The following ITGB1BP2 variants were observed in gnomAD, a reference collection of about 807,000 sequenced individuals.
ITGB1BP2 encodes the protein integrin beta-1-binding protein 2.
ITGB1BP2 carries 27 observed loss-of-function variants against 32.2 expected under a neutral mutation model. That is an observed-to-expected ratio of 0.84 (90% confidence interval 0.62 to 1.16). The LOEUF is 1.16. Ranked by LOEUF, ITGB1BP2 falls within the 50% of genes most tolerant of loss-of-function variation. ITGB1BP2 has a pLI of 0.00. For missense variants in ITGB1BP2, 250 were observed against 267.3 expected (o/e 0.94, Z 0.45); for synonymous variants, 105 against 94.7 (o/e 1.11, Z -0.63).
intron 1 of ITGB1BP2, 106 bp from the exon 2 acceptor site, chrX:71,302,031 A>G: frequency 2.2e-6 from 2 of 928,951 alleles, no homozygotes; most frequent in Non-Finnish European, 2.9e-6. Flanking sequence ...TTTTTTCTTC[A>G]CATTATATGG....
chrX:71,305,032 C>T lies in ITGB1BP2; in HGVS notation c.884C>T (p.Ala295Val), dbSNP rs1410385485. 8.3e-7 allele frequency: 1 copy of T among 1,211,462 alleles called. No homozygotes were observed. The highest frequency in any genetic ancestry group is 3.0e-5 in the East Asian group (1 of 33,845). Reference protein sequence around the residue: ...PSRVEISLVKADPGSWAQLEH... With the variant: ...PSRVEISLVKVDPGSWAQLEH... ...CGGGTTGAAATCTCCCTGGTCAAGG[C>T]TGACCCAGGATCCTGGGCCCAGCTG... The change falls in exon 11 of 11, where the codon GCT becomes GTT. Residue 295 changes from alanine (A) to valine (V), a missense_variant. Transcript: ENST00000373829.
At chrX:71,302,240 C>G in intron 2 of ITGB1BP2, 37 bp from the exon 3 acceptor site, 10 of 1,210,071 alleles carry the variant, frequency 8.3e-6, no homozygotes, top group Non-Finnish European at 1.1e-5. Flanking sequence ...GAGATAATAC[C>G]CAGGAAGCTA....
At chrX:71,304,098 C>A in intron 8 of ITGB1BP2, 89 bp from the exon 9 acceptor site, 1 of 779,647 alleles carries the variant, frequency 1.3e-6, no homozygotes, top group Non-Finnish European at 1.9e-6. Flanking sequence ...CTTTTTGAGA[C>A]TCTCTGTCTC....
Position 71,302,000 on chromosome X carries a change from A to G in ITGB1BP2, c.64+130A>G, listed in dbSNP as rs2031619009. On this transcript the variant is annotated intron_variant, in intron 1 of 10. Transcript: ENST00000373829. ...TAGTTTAATTGGTCTGAGTGATCTT[A>G]CAGCCTTTGCTGGCTTTTTTTTTTT... is the stretch of plus-strand genomic sequence containing the variant. 7 of 893,194 alleles carry G rather than the reference A, an allele frequency of 7.8e-6. No homozygotes were observed. In the South Asian group the frequency reaches 1.6e-4, roughly 21 times the overall value. 73.6% of individuals were successfully genotyped at this position (893,194 alleles called of 1,213,427 possible).
At position 71,302,347 on chromosome X, in the gene ITGB1BP2, G is replaced by A. The variant is rs749106846; in HGVS notation, c.171+14G>A. The A allele has an allele frequency of 9.1e-6, 11 of 1,210,962 alleles. No homozygotes were observed. The highest frequency in any genetic ancestry group is 1.0e-5 in the Non-Finnish European group (9 of 894,991). ...TTAAACATCAAGGTAAATTATTTAT[G>A]TACTTGGATTCTGCCCCCAATAGAA... On this transcript the variant is annotated intron_variant, in intron 3 of 10. Coordinates refer to ENST00000373829, the MANE Select transcript of ITGB1BP2 (RefSeq NM_012278.4).
intron 4 of ITGB1BP2, 71 bp downstream of exon 4, chrX:71,302,627 G>A: frequency 9.4e-7 from 1 of 1,059,504 alleles, no homozygotes; most frequent in African/African-American, 1.9e-5. Flanking sequence ...ATGGGTCATT[G>A]AGGACTGGGA....
At chrX:71,301,997 C>G (rs1204371796) in intron 1 of ITGB1BP2, 127 bp downstream of exon 1, 1 of 877,847 alleles carries the variant, frequency 1.1e-6, no homozygotes, top group African/African-American at 2.1e-5. Context: ...TCTGAGTGAT[C>G]TTACAGCCTT....
At chrX:71,304,733 A>T (rs1459425440) in intron 10 of ITGB1BP2, 129 bp downstream of exon 10, 3 of 547,017 alleles carry the variant, frequency 5.5e-6, no homozygotes, top group Non-Finnish European at 8.8e-6. Context: ...ATTTGCTTTC[A>T]TTTTCTCTCT....
In ITGB1BP2 at chrX:71,302,569, A is replaced by C. The variant is rs374391467; in HGVS notation, c.317+13A>C. 12 of 1,194,693 alleles carry C rather than the reference A, an allele frequency of 1.0e-5. No individual in the cohort carries two copies. Among genetic ancestry groups the C allele is most frequent in the Admixed American group, 2.3e-5 (1 of 43,100 alleles). On this transcript the variant is annotated intron_variant, in intron 4 of 10. Transcript: ENST00000373829. ...GGGAGAGGCCCAAGTAAAGAGGAGG[A>C]GGCCCCTGGACTTTTCTTATTTTCA...
In ITGB1BP2 at chrX:71,304,227, C is replaced by G; in HGVS notation, c.680C>G (p.Ser227Cys). ...CGCCATGATTGGCACCAGACAGATT[C>G]CTTAGTAGTGGTGACTGTATATGGC... ...SCRHDWHQTD[S>C]LVVVTVYGQI... is the part of the protein sequence containing the mutation. Residue 227 changes from serine to cysteine, a missense_variant, in exon 9 of 11, where the codon TCC becomes TGC. Physicochemically the swap from Ser to Cys is moderately radical, Grantham distance 112. Coordinates refer to ENST00000373829, the MANE Select transcript of ITGB1BP2 (RefSeq NM_012278.4). 1 of 1,210,823 alleles carries G rather than the reference C, an allele frequency of 8.3e-7. No homozygotes were observed. The highest frequency in any genetic ancestry group is 1.8e-5 in the South Asian group (1 of 56,978).
chrX:71,304,784 C>T, intron 10 of ITGB1BP2, 180 bp downstream of exon 10: 2 of 480,588 alleles, frequency 4.2e-6, no homozygotes, highest in Non-Finnish European at 7.0e-6. Context: ...CTCCCCTCTT[C>T]CTTCTCCCTT....
chrX:71,302,177 T>G lies in ITGB1BP2; in HGVS notation c.105T>G (p.Asp35Glu). The change falls in exon 2 of 11, where the codon GAT (aspartate) becomes GAG (glutamate). Residue 35 changes from aspartate to glutamate, a missense_variant. Asp to Glu is a conservative substitution (Grantham distance 45). Transcript: ENST00000373829. ...CHHPGVPIFH[D>E]ALKGWSCCRK... is the part of the protein sequence containing the mutation. ...ACCCTGGGGTCCCAATCTTCCATGA[T>G]GCACTTAAGGTGAGGAGTAGGTGAG... is the stretch of plus-strand genomic sequence containing the variant. The G allele has an allele frequency of 8.3e-7, 1 of 1,211,209 alleles. No individual in the cohort carries two copies. Among genetic ancestry groups the G allele is most frequent in the Non-Finnish European group, 1.1e-6 (1 of 895,304 alleles).
At position 71,302,551 on chromosome X, in the gene ITGB1BP2, G is replaced by C; in HGVS notation, c.312G>C (p.Arg104Ser). 1 of 1,204,733 alleles carries C rather than the reference G, an allele frequency of 8.3e-7. No homozygotes were observed. The highest frequency in any genetic ancestry group is 1.1e-6 in the Non-Finnish European group (1 of 892,661). ...PKSAETLRRE[R>S]PKSELPLKLL... ...CAGCAGAGACCTTGCGCCGGGAGAG[G>C]CCCAAGTAAAGAGGAGGAGGCCCCT... Residue 104 changes from arginine (R) to serine (S), a missense_variant, in exon 4 of 11, where the codon AGG becomes AGC. Transcript: ENST00000373829.
chrX:71,304,573 G>C lies in ITGB1BP2; in HGVS notation c.785G>C (p.Arg262Pro). 8.3e-7 allele frequency: 1 copy of C among 1,207,877 alleles called. No homozygotes were observed. Among genetic ancestry groups the C allele is most frequent in the Non-Finnish European group, 1.1e-6 (1 of 893,408 alleles). ...LHVHIVFDGN[R>P]VFQAQMKLWG... ...GTCCACATTGTCTTTGATGGTAACC[G>C]TGTGTTCCAAGCACAGATGAAGCTC... Residue 262 changes from arginine to proline, a missense_variant, in exon 10 of 11, where the codon CGT becomes CCT. By Grantham distance (103) the Arg-to-Pro change is moderately radical (BLOSUM62 -2). Coordinates refer to ENST00000373829, the MANE Select transcript of ITGB1BP2 (RefSeq NM_012278.4).
chrX:71,304,978 A>G lies in ITGB1BP2; in HGVS notation c.830A>G (p.Glu277Gly). 1 of 1,209,136 alleles carries G rather than the reference A, an allele frequency of 8.3e-7. No homozygotes were observed. The highest frequency in any genetic ancestry group is 1.1e-6 in the Non-Finnish European group (1 of 893,494). ...GCTCCTCCTCAGGTCATAAACGTGG[A>G]GCAGAGCTCTGTCTTCTTGATGCCA... Reference protein sequence around the residue: ...QMKLWGVINVEQSSVFLMPSR... With the variant: ...QMKLWGVINVGQSSVFLMPSR... The change falls in exon 11 of 11, where the codon GAG (glutamate) becomes GGG (glycine). Residue 277 changes from glutamate to glycine, a missense_variant. Coordinates refer to ENST00000373829, the MANE Select transcript of ITGB1BP2 (RefSeq NM_012278.4).
chrX:71,303,294 A>G lies in ITGB1BP2; in HGVS notation c.350A>G (p.Asn117Ser). 1 of 1,211,864 alleles carries G rather than the reference A, an allele frequency of 8.3e-7. No individual in the cohort carries two copies. The highest frequency in any genetic ancestry group is 1.1e-6 in the Non-Finnish European group (1 of 895,520). Reference protein sequence around the residue: ...SELPLKLLPLNISQALEMALE... With the variant: ...SELPLKLLPLSISQALEMALE... ...TTGCCTCTGAAGCTGCTGCCGCTAA[A>G]TATATCCCAAGCCCTGGAAATGGCA... The change falls in exon 5 of 11, where the codon AAT (asparagine) becomes AGT (serine). Residue 117 changes from asparagine to serine, a missense_variant. Physicochemically the swap from Asn to Ser is conservative, Grantham distance 46. Coordinates refer to ENST00000373829, the MANE Select transcript of ITGB1BP2 (RefSeq NM_012278.4).
At chrX:71,302,026 T>TC in intron 1 of ITGB1BP2, 111 bp from the exon 2 acceptor site, 1 of 923,475 alleles carries the variant, frequency 1.1e-6, no homozygotes, top group Non-Finnish European at 1.5e-6. Context: ...TTTTTTTTTT[T>TC]CTTCACATTA....
At position 71,303,289 on chromosome X, in the gene ITGB1BP2, G is replaced by A. The variant is rs779890494; in HGVS notation, c.345G>A (p.Pro115=). 9.9e-6 allele frequency: 12 copies of A among 1,209,665 alleles called. No homozygotes were observed. The highest frequency in any genetic ancestry group is 3.5e-5 in the South Asian group (2 of 56,759). ...PKSELPLKLL[P]LNISQALEMA... ...CAGAGTTGCCTCTGAAGCTGCTGCC[G>A]CTAAATATATCCCAAGCCCTGGAAA... The change falls in exon 5 of 11, where the codon CCG becomes CCA. Residue 115 remains proline, a synonymous_variant. Coordinates refer to ENST00000373829, the MANE Select transcript of ITGB1BP2 (RefSeq NM_012278.4).
In ITGB1BP2 at chrX:71,304,308, A is replaced by G. The variant is rs2031662659; in HGVS notation, c.753+8A>G. The G allele has an allele frequency of 1.8e-6, 2 of 1,132,815 alleles. No individual in the cohort carries two copies. Among genetic ancestry groups the G allele is most frequent in the Admixed American group, 4.4e-5 (2 of 45,823 alleles). The allele number at this position is 1,132,815 out of a possible 1,213,427, so 93.4% of individuals were successfully genotyped here. A position where few individuals can be genotyped will look rare whatever the true frequency, so the allele number is the denominator to read the frequency against. The stretch of plus-strand genomic sequence containing the variant: ...AAGGCCAGTCAAACTGAGGTGAGCA[A>G]TGATCTGATGTTGGATGGGAGGATA... On this transcript the variant is annotated splice_region_variant and intron_variant, in intron 9 of 10. Coordinates refer to ENST00000373829, the MANE Select transcript of ITGB1BP2 (RefSeq NM_012278.4).
Sources: gnomAD v4.1 joint callset for allele counts on GRCh38, gnomAD v4.1.1 for gene constraint, MANE v1.5 for transcripts, NCBI Gene and HGNC (gene_info 2026-07-23, HGNC 2026-07-21) for gene names.